The following CACNA1B variants were observed in gnomAD, a reference collection of about 807,000 sequenced individuals.
The protein encoded by CACNA1B is calcium voltage-gated channel subunit alpha1 B.
CACNA1B carries 70 observed loss-of-function variants against 247.2 expected under a neutral mutation model. That is an observed-to-expected ratio of 0.28 (90% CI 0.23 to 0.35). CACNA1B has a LOEUF of 0.35. Ranked by LOEUF, CACNA1B falls within the 10% of genes least tolerant of loss-of-function variation. The pLI, the probability that CACNA1B is intolerant of heterozygous loss-of-function variation, is 1.00. For synonymous variants in CACNA1B, 1,231 were observed against 1,294.4 expected (o/e 0.95, Z 1.05); for missense variants, 2,367 against 3,197.4 (o/e 0.74, Z 6.26).
intron 20 of CACNA1B, among the ~76,000 whole-genome samples, chr9:138,031,304 T>G (rs1459278289): frequency 6.6e-6 from 1 of 152,214 alleles, no homozygotes; most frequent in Non-Finnish European, 1.5e-5. Flanking sequence ...TTGTTTAGTT[T>G]CCAAACATTT....
In CACNA1B at chr9:137,986,172, G is replaced by A. The variant is rs889789145; in HGVS notation, c.1770-241G>A. ...CTCCTGAACCTAGGGACAGGGAGCAGTTTGGGAGGACGAAGTGAGTCCTCC... is the reference window on the plus strand; with the variant it reads ...CTCCTGAACCTAGGGACAGGGAGCAATTTGGGAGGACGAAGTGAGTCCTCC... On this transcript the variant is annotated intron_variant, in intron 13 of 46. Coordinates refer to ENST00000371372, the MANE Select transcript of CACNA1B (RefSeq NM_000718.4). This position sits in a 1 kb window ranked among gnomAD's most constrained non-coding sequence, Gnocchi z 6.0. 3.3e-5 allele frequency among the ~76,000 whole-genome samples: 5 copies of A among 152,168 alleles called. No individual in the cohort carries two copies. The highest frequency in any genetic ancestry group is 1.2e-4 in the African/African-American group (5 of 41,446).
Position 137,980,837 on chromosome 9 carries a change from AT to A in CACNA1B, c.1657-3293del, listed in dbSNP as rs1236091757. Among the ~76,000 whole-genome samples the A allele has an allele frequency of 7.4e-5, 11 of 148,888 alleles. No homozygotes were observed. In the East Asian group the frequency reaches 1.4e-3, roughly 18 times the overall value. On this transcript the variant is annotated intron_variant, in intron 12 of 46. Coordinates refer to ENST00000371372, the MANE Select transcript of CACNA1B (RefSeq NM_000718.4). ...TCCATATTACTGCAAAATACATGTT[AT>A]TTTTTTTAATAGCTGTGCAGTCTTC... is the stretch of plus-strand genomic sequence containing the variant.
At position 137,880,876 on chromosome 9, in the gene CACNA1B, C is replaced by T. The variant is rs1956908123; in HGVS notation, c.390+1717C>T. Reference sequence around the variant, plus strand: ...GCCCTGGGCGAGGCCTCCCTGGTTCCCTGCCTCTCGGGGCTGTTTCCCACC... The same window carrying T: ...GCCCTGGGCGAGGCCTCCCTGGTTCTCTGCCTCTCGGGGCTGTTTCCCACC... On this transcript the variant is annotated intron_variant, in intron 2 of 46. Transcript: ENST00000371372. This position sits in a 1 kb window ranked among gnomAD's most constrained non-coding sequence, Gnocchi z 4.8. 6.6e-6 allele frequency among the ~76,000 whole-genome samples: 1 copy of T among 152,170 alleles called. No homozygotes were observed. Among genetic ancestry groups the T allele is most frequent in the Non-Finnish European group, 1.5e-5 (1 of 68,016 alleles).
intron 10 of CACNA1B, among the ~76,000 whole-genome samples, chr9:137,960,289 G>A (rs946198096): frequency 2.6e-5 from 4 of 151,400 alleles, no homozygotes; most frequent in African/African-American, 9.7e-5. Context: ...TCCGGGGAGA[G>A]GGGAGGTCGG....
At chr9:137,940,625 T>C (rs1957722980) in intron 6 of CACNA1B, among the ~76,000 whole-genome samples, 1 of 152,114 alleles carries the variant, frequency 6.6e-6, no homozygotes, top group South Asian at 2.1e-4. Flanking sequence ...AAAAGAAAAC[T>C]ACAAACCAAT....
chr9:137,931,687 C>G (rs1007597866), intron 6 of CACNA1B, among the ~76,000 whole-genome samples: 2 of 152,126 alleles, frequency 1.3e-5, no homozygotes, highest in Non-Finnish European at 2.9e-5. Context: ...AACTCTCACC[C>G]TGCTCTGTCT....
chr9:137,958,513 C>T (rs1957974934), intron 10 of CACNA1B, among the ~76,000 whole-genome samples: 1 of 152,230 alleles, frequency 6.6e-6, no homozygotes, highest in Admixed American at 6.5e-5. Context: ...CGGGTGCAAC[C>T]TGGCGTTGCT....
At chr9:137,992,435 T>C (rs1046140847) in intron 15 of CACNA1B, among the ~76,000 whole-genome samples, 4 of 152,216 alleles carry the variant, frequency 2.6e-5, no homozygotes, top group African/African-American at 9.6e-5. Flanking sequence ...CTGAAATTTA[T>C]AAAACAATTA....
chr9:138,065,302 G>A (rs373765750), intron 31 of CACNA1B, among the ~76,000 whole-genome samples: 25 of 151,968 alleles, frequency 1.6e-4, no homozygotes, highest in African/African-American at 4.8e-4. Flanking sequence ...CAGGACCACC[G>A]CTTCCCAAGT....
intron 18 of CACNA1B, among the ~76,000 whole-genome samples, chr9:138,017,405 C>T (rs186487450): frequency 6.6e-6 from 1 of 152,248 alleles, no homozygotes. Flanking sequence ...AGACCCTCTG[C>T]GCTCAGCGCC....
At position 137,954,581 on chromosome 9, in the gene CACNA1B, T is replaced by C. The variant is rs890654233; in HGVS notation, c.1071-1117T>C. ...TGCCCTTCCCCTGCCCCCCAGGCCCTCTCATTCTCAGGGCATGGCCACAGG... is the reference window on the plus strand; with the variant it reads ...TGCCCTTCCCCTGCCCCCCAGGCCCCCTCATTCTCAGGGCATGGCCACAGG... On this transcript the variant is annotated intron_variant, in intron 7 of 46. Coordinates refer to ENST00000371372, the MANE Select transcript of CACNA1B (RefSeq NM_000718.4). This position sits in a 1 kb window ranked among gnomAD's most constrained non-coding sequence, Gnocchi z 4.1. Among the ~76,000 whole-genome samples, 2 of 152,100 alleles carry C rather than the reference T, an allele frequency of 1.3e-5. No homozygotes were observed. The highest frequency in any genetic ancestry group is 2.9e-5 in the Non-Finnish European group (2 of 68,022).
At chr9:137,967,418 T>C (rs1406427988) in intron 10 of CACNA1B, among the ~76,000 whole-genome samples, 1 of 152,210 alleles carries the variant, frequency 6.6e-6, no homozygotes, top group Non-Finnish European at 1.5e-5. Flanking sequence ...GGCTCCCCTA[T>C]GCCCAGGGGC....
chr9:138,093,847 G>A (rs1207191257), intron 36 of CACNA1B, among the ~76,000 whole-genome samples: 1 of 152,158 alleles, frequency 6.6e-6, no homozygotes, highest in Non-Finnish European at 1.5e-5. Context: ...ATGGTGGTGT[G>A]GAAAATAGTA....
intron 6 of CACNA1B, among the ~76,000 whole-genome samples, chr9:137,949,795 G>A (rs1957858302): frequency 1.3e-5 from 2 of 152,092 alleles, no homozygotes; most frequent in Non-Finnish European, 2.9e-5. Flanking sequence ...GAGAGCAGTG[G>A]TCTTCACTCT....
At chr9:138,092,685 A>G (rs540791260) in intron 36 of CACNA1B, among the ~76,000 whole-genome samples, 29 of 152,330 alleles carry the variant, frequency 1.9e-4, no homozygotes, top group African/African-American at 6.7e-4. Flanking sequence ...TTATAAGAGT[A>G]TTGATTGGGG....
At chr9:137,942,331 T>A (rs986101437) in intron 6 of CACNA1B, among the ~76,000 whole-genome samples, 1 of 152,198 alleles carries the variant, frequency 6.6e-6, no homozygotes, top group South Asian at 2.1e-4. Context: ...ATAATAGATA[T>A]TGGCATGGAT....
At chr9:138,019,861 G>T (rs1367830269) in intron 18 of CACNA1B, among the ~76,000 whole-genome samples, 1 of 152,076 alleles carries the variant, frequency 6.6e-6, no homozygotes, top group African/African-American at 2.4e-5. Context: ...ACTTTGGGAG[G>T]CTGAGGTGGG....
chr9:138,008,145 G>C (rs1228007999), intron 16 of CACNA1B, among the ~76,000 whole-genome samples: 1 of 152,190 alleles, frequency 6.6e-6, no homozygotes, highest in African/African-American at 2.4e-5. Flanking sequence ...CTTTGGAGAT[G>C]GGTGGCCCTG....
intron 15 of CACNA1B, among the ~76,000 whole-genome samples, chr9:137,989,630 G>A (rs1958408579): frequency 6.6e-6 from 1 of 152,184 alleles, no homozygotes; most frequent in Non-Finnish European, 1.5e-5. Context: ...ATGCCAGAGG[G>A]TCATGGAGAA....
Sources: gnomAD v4.1 joint callset for allele counts (sites outside exome capture counted in the v4.1 genomes callset) on GRCh38, gnomAD v4.1.1 for gene constraint, Gnocchi (gnomAD v3.1) non-coding constraint, MANE v1.5 for transcripts, NCBI Gene and HGNC (gene_info 2026-07-23, HGNC 2026-07-21) for gene names.